RPH3AL: variants seen among roughly 807,000 people sequenced by gnomAD.
RPH3AL encodes rabphilin 3A like (without C2 domains), also known as rab effector Noc2.
RPH3AL carries 38 observed loss-of-function variants against 43.1 expected under a neutral mutation model. The ratio of observed to expected loss-of-function variants is 0.88; its 90% confidence interval spans 0.68 to 1.15. RPH3AL has a LOEUF of 1.15. Among genes scored for constraint, RPH3AL ranks in the 50% most tolerant of loss-of-function variants. RPH3AL has a pLI of 0.00. For synonymous variants in RPH3AL, 189 were observed against 176.3 expected, an observed-to-expected ratio of 1.07 and a Z score of -0.57; for missense variants, 462 against 423.2, an observed-to-expected ratio of 1.09 and a Z score of -0.81.
chr17:333,091 C>T lies in RPH3AL; in HGVS notation c.-37+668G>A. ...TTCTCTCTCTAAAGTCGAGAGCTCACCACCCCGGGCGTTCGTCACTGCAGA... is the reference window on the plus strand; with the variant it reads ...TTCTCTCTCTAAAGTCGAGAGCTCATCACCCCGGGCGTTCGTCACTGCAGA... On this transcript the variant is annotated intron_variant, in intron 2 of 9. Transcript: ENST00000331302. The surrounding 1 kb of genome is among the most constrained non-coding windows in gnomAD (Gnocchi z 4.5). The T allele has an allele frequency of 7.8e-7, 1 of 1,287,630 alleles. No homozygotes were observed. Among genetic ancestry groups the T allele is most frequent in the Non-Finnish European group, 1.0e-6 (1 of 988,264 alleles). 79.8% of individuals were successfully genotyped at this position (1,287,630 alleles called of 1,614,324 possible). A position where few individuals can be genotyped will look rare whatever the true frequency, so the allele number is the denominator to read the frequency against.
intron 5 of RPH3AL, among the ~76,000 whole-genome samples, chr17:316,956 T>A (rs1245893809): frequency 2.0e-5 from 1 of 49,720 alleles, no homozygotes; most frequent in Non-Finnish European, 3.8e-5. Flanking sequence ...ACCTGTAGTC[T>A]CTCTACACCC....
At chr17:351,579 C>T (rs1379386516) in intron 1 of RPH3AL, among the ~76,000 whole-genome samples, 2 of 152,156 alleles carry the variant, frequency 1.3e-5, no homozygotes, top group Non-Finnish European at 2.9e-5. Context: ...CTTCCATGAG[C>T]CTCTCTTTTT....
Position 328,283 on chromosome 17 carries a change from C to T in RPH3AL, c.-36-704G>A, listed in dbSNP as rs2044665075. Among the ~76,000 whole-genome samples the T allele has an allele frequency of 6.6e-6, 1 of 151,496 alleles. No homozygotes were observed. Among genetic ancestry groups the T allele is most frequent in the Non-Finnish European group, 1.5e-5 (1 of 67,904 alleles). On this transcript the variant is annotated intron_variant, in intron 2 of 9. Transcript: ENST00000331302. This position sits in a 1 kb window ranked among gnomAD's most constrained non-coding sequence, Gnocchi z 4.2. ...CCGGCTTTCTCCCTGCCTCCCAGGA[C>T]AGGATTGTCTTTGGTGGTCTGAGGA... is the stretch of plus-strand genomic sequence containing the variant.
intron 5 of RPH3AL, among the ~76,000 whole-genome samples, chr17:316,785 C>G (rs2044236691): frequency 2.4e-5 from 3 of 124,854 alleles, no homozygotes; most frequent in Non-Finnish European, 4.8e-5. Flanking sequence ...TGTGCCCCCA[C>G]CTCCATTGAC....
At chr17:232,697 C>G (rs2041255934) in intron 7 of RPH3AL, among the ~76,000 whole-genome samples, 1 of 152,132 alleles carries the variant, frequency 6.6e-6, no homozygotes, top group Non-Finnish European at 1.5e-5. Context: ...ATTTTCTTGA[C>G]CCAAACAGCA....
Position 305,265 on chromosome 17 carries a change from G to T in RPH3AL, c.351+14155C>A, listed in dbSNP as rs79181323. On this transcript the variant is annotated intron_variant, in intron 5 of 9. Transcript: ENST00000331302. ...TCGTGTCCAGGCACCGGCCGAGTTG[G>T]GACTCAGGGTCAAAGCCAAGCTGAG... Among the ~76,000 whole-genome samples, 1,088 of 152,046 alleles carry T rather than the reference G, an allele frequency of 7.2e-3. 12 individuals are homozygous for T. The highest frequency in any genetic ancestry group is 0.024 in the African/African-American group (1,015 of 41,474).
chr17:247,629 T>G, intron 6 of RPH3AL: 2 of 264,246 alleles, frequency 7.6e-6, no homozygotes. Context: ...GGGACTACTG[T>G]ACCTGGGTCT....
At chr17:341,568 A>C (rs553824297) in intron 1 of RPH3AL, 1 of 152,330 alleles carries the variant, frequency 6.6e-6, no homozygotes, top group South Asian at 2.1e-4. Context: ...TGTCAGGGTA[A>C]ATTTTCATGA....
At chr17:326,094 A>G (rs1405527452) in intron 3 of RPH3AL, among the ~76,000 whole-genome samples, 1 of 152,208 alleles carries the variant, frequency 6.6e-6, no homozygotes, top group Non-Finnish European at 1.5e-5. Flanking sequence ...CTCTCCTTGG[A>G]AACTCCTACC....
chr17:235,422 C>G lies in RPH3AL; in HGVS notation c.613+11689G>C, dbSNP rs1461094284. Among the ~76,000 whole-genome samples, 160 of 136,166 alleles carry G rather than the reference C, an allele frequency of 1.2e-3. 2 individuals carry two copies. Among genetic ancestry groups the G allele is most frequent in the African/African-American group, 4.4e-3 (148 of 33,268 alleles). 89.3% of individuals were successfully genotyped at this position (136,166 alleles called of 152,430 possible). A position where few individuals can be genotyped will look rare whatever the true frequency, so the allele number is the denominator to read the frequency against. Reference sequence around the variant, plus strand: ...GTCCCGGGTTCAAAGCTGGGGTCGGCCGAGGCTCTGCAGTAACAAGAGGGA... The same window carrying G: ...GTCCCGGGTTCAAAGCTGGGGTCGGGCGAGGCTCTGCAGTAACAAGAGGGA... On this transcript the variant is annotated intron_variant, in intron 7 of 9. Coordinates refer to ENST00000331302, the MANE Select transcript of RPH3AL (RefSeq NM_006987.4).
At chr17:305,030 G>GA (rs201665548) in intron 5 of RPH3AL, among the ~76,000 whole-genome samples, 1 of 62,804 alleles carries the variant, frequency 1.6e-5, no homozygotes, top group Non-Finnish European at 2.9e-5. Flanking sequence ...CAGGGCGGGA[G>GA]GGGGACAGGG....
intron 1 of RPH3AL, chr17:341,508 C>G (rs376550403): frequency 6.6e-6 from 1 of 152,248 alleles, no homozygotes; most frequent in South Asian, 2.1e-4. Flanking sequence ...TTAACTCAAA[C>G]GGATCAAAAC....
At chr17:268,746 G>C (rs893506871) in intron 6 of RPH3AL, among the ~76,000 whole-genome samples, 1 of 151,480 alleles carries the variant, frequency 6.6e-6, no homozygotes, top group African/African-American at 2.4e-5. Flanking sequence ...AAAACTTTTT[G>C]TAGTGACAGG....
At chr17:269,952 G>C (rs1308656047) in intron 6 of RPH3AL, among the ~76,000 whole-genome samples, 1 of 152,164 alleles carries the variant, frequency 6.6e-6, no homozygotes, top group African/African-American at 2.4e-5. Context: ...CCATGAGGCA[G>C]ACTGCCCTGG....
At chr17:277,703 T>G (rs1239732992) in intron 6 of RPH3AL, among the ~76,000 whole-genome samples, 1 of 152,120 alleles carries the variant, frequency 6.6e-6, no homozygotes, top group Admixed American at 6.5e-5. Flanking sequence ...GCCTGTAATC[T>G]CAGCACGTTG....
chr17:335,176 G>A (rs1034952861), intron 1 of RPH3AL, among the ~76,000 whole-genome samples: 2 of 152,160 alleles, frequency 1.3e-5, no homozygotes, highest in Non-Finnish European at 2.9e-5. Flanking sequence ...TGTGACCCCC[G>A]AGCGACTGTG....
intron 5 of RPH3AL, among the ~76,000 whole-genome samples, chr17:300,517 AGCC>A (rs2043300571): frequency 9.9e-5 from 1 of 10,062 alleles, no homozygotes; most frequent in Admixed American, 5.0e-4. Flanking sequence ...GGGCTGGCCC[AGCC>A]TAGACCTGCA....
At chr17:301,044 G>A (rs962570648) in intron 5 of RPH3AL, among the ~76,000 whole-genome samples, 2 of 152,252 alleles carry the variant, frequency 1.3e-5, no homozygotes, top group Non-Finnish European at 2.9e-5. Context: ...TGCAAAGGTG[G>A]GACAGACCAG....
intron 5 of RPH3AL, among the ~76,000 whole-genome samples, chr17:292,851 T>C (rs2043078613): frequency 6.6e-6 from 1 of 152,198 alleles, no homozygotes; most frequent in South Asian, 2.1e-4. Flanking sequence ...CCCTGGACCT[T>C]ACCCCGACTA....
Sources: gnomAD v4.1 joint callset for allele counts (sites outside exome capture counted in the v4.1 genomes callset) on GRCh38, gnomAD v4.1.1 for gene constraint, Gnocchi (gnomAD v3.1) non-coding constraint, MANE v1.5 for transcripts, NCBI Gene and HGNC (gene_info 2026-07-23, HGNC 2026-07-21) for gene names.